The following BIN1 variants were observed in gnomAD, a reference collection of about 807,000 sequenced individuals.
BIN1 encodes bridging integrator 1.
Under a neutral mutation model 82.0 loss-of-function variants are expected in BIN1, and 53 were observed. The observed-to-expected ratio is 0.65, with a 90% CI of 0.52 to 0.81. BIN1 has a LOEUF of 0.81. BIN1 is among the 40% of genes least tolerant of loss of function. The pLI is 0.00. For missense variants in BIN1, 642 were observed against 784.4 expected (o/e 0.82, Z 2.17); for synonymous variants, 302 against 328.0 (o/e 0.92, Z 0.86).
intron 1 of BIN1, among the ~76,000 whole-genome samples, chr2:127,080,656 C>T (rs1356154188): frequency 6.6e-6 from 1 of 151,738 alleles, no homozygotes; most frequent in Non-Finnish European, 1.5e-5. Flanking sequence ...GGAGCTTTAT[C>T]AGTGCCACAC....
At chr2:127,088,483 C>T (rs1423142718) in intron 1 of BIN1, among the ~76,000 whole-genome samples, 2 of 152,106 alleles carry the variant, frequency 1.3e-5, no homozygotes, top group Admixed American at 1.3e-4. Flanking sequence ...CACCTGTAAT[C>T]CCAGCACTTT....
At chr2:127,089,067 G>A (rs1678571105) in intron 1 of BIN1, among the ~76,000 whole-genome samples, 2 of 146,736 alleles carry the variant, frequency 1.4e-5, no homozygotes, top group South Asian at 4.6e-4. Context: ...GCCTCATGGT[G>A]GACCCCTCCA....
At chr2:127,076,331 C>T (rs1192175841) in intron 2 of BIN1, among the ~76,000 whole-genome samples, 5 of 152,086 alleles carry the variant, frequency 3.3e-5, no homozygotes, top group South Asian at 4.1e-4. Flanking sequence ...GCAAAGTTTC[C>T]CCAAGTCTGG....
In BIN1 at chr2:127,107,030, C is replaced by G; in HGVS notation, c.-87G>C. The G allele has an allele frequency of 7.5e-7, 1 of 1,338,914 alleles. No homozygotes were observed. The allele number at this position is 1,338,914 out of a possible 1,614,324, so 82.9% of individuals were successfully genotyped here. A position where few individuals can be genotyped will look rare whatever the true frequency, so the allele number is the denominator to read the frequency against. ...CGCTCCCAGCCCCCAGCCCCGGCCG[C>G]GCGTCCAGACCGGCTGCCGCTCCAC... On this transcript the variant is annotated 5_prime_UTR_variant, in exon 1 of 19. Transcript: ENST00000316724. The surrounding 1 kb of genome is among the most constrained non-coding windows in gnomAD (Gnocchi z 5.9).
Position 127,106,849 on chromosome 2 carries a change from G to A in BIN1, c.84+11C>T, listed in dbSNP as rs1373684985. ...GGGACTCCGCGGCTGCTGGGGCTCC[G>A]GCTCGCTCACCTTCTCCTGCGCGCG... On this transcript the variant is annotated intron_variant, in intron 1 of 18. Transcript: ENST00000316724. 1.9e-6 allele frequency: 3 copies of A among 1,595,716 alleles called. No individual in the cohort carries two copies. Among genetic ancestry groups the A allele is most frequent in the Admixed American group, 1.7e-5 (1 of 58,840 alleles).
chr2:127,083,300 G>A (rs942329103), intron 1 of BIN1, among the ~76,000 whole-genome samples: 2 of 151,934 alleles, frequency 1.3e-5, no homozygotes, highest in Non-Finnish European at 2.9e-5. Context: ...GTTTTGTCTG[G>A]AACTCCTAGC....
intron 10 of BIN1, among the ~76,000 whole-genome samples, chr2:127,060,883 CG>C (rs1401385407): frequency 6.6e-6 from 1 of 152,190 alleles, no homozygotes; most frequent in East Asian, 1.9e-4. Context: ...GCAGGAGGCT[CG>C]GGGCAGTGGA....
chr2:127,063,893 A>G (rs569975943), intron 8 of BIN1, 40 bp downstream of exon 8: 1 of 1,606,050 alleles, frequency 6.2e-7, no homozygotes, highest in East Asian at 2.2e-5. Context: ...CGCAGACTGG[A>G]CACTGCCCCA....
chr2:127,079,403 T>C (rs543256861), intron 1 of BIN1, among the ~76,000 whole-genome samples: 1 of 152,336 alleles, frequency 6.6e-6, no homozygotes, highest in Admixed American at 6.5e-5. Context: ...CTAAAAGGCC[T>C]TCAGAGCAGC....
At chr2:127,052,152 G>C (rs1312760761) in intron 15 of BIN1, 103 bp downstream of exon 15, 2 of 1,207,350 alleles carry the variant, frequency 1.7e-6, no homozygotes, top group African/African-American at 3.0e-5. Flanking sequence ...TCACATCCAT[G>C]GTGGCCTGGT....
chr2:127,063,247 C>T (rs529220956), intron 9 of BIN1, among the ~76,000 whole-genome samples: 85 of 152,302 alleles, frequency 5.6e-4, no homozygotes, highest in Non-Finnish European at 3.4e-4. Flanking sequence ...AAACTGCCAC[C>T]ATTGTCTAAC....
At chr2:127,070,348 C>T (rs1685715543) in intron 4 of BIN1, among the ~76,000 whole-genome samples, 1 of 152,172 alleles carries the variant, frequency 6.6e-6, no homozygotes, top group Admixed American at 6.5e-5. Context: ...ATAAGGACGA[C>T]CACGACCCAC....
At chr2:127,051,381 C>A in intron 15 of BIN1, 138 bp from the exon 16 acceptor site, 1 of 856,924 alleles carries the variant, frequency 1.2e-6, no homozygotes, top group Non-Finnish European at 1.9e-6. Flanking sequence ...TAGAGCTGCC[C>A]AGTGCCTCGA....
At chr2:127,097,859 C>T (rs1679799897) in intron 1 of BIN1, among the ~76,000 whole-genome samples, 1 of 152,228 alleles carries the variant, frequency 6.6e-6, no homozygotes, top group African/African-American at 2.4e-5. Flanking sequence ...TGAATGGGCC[C>T]TGACAAGCAC....
chr2:127,090,734 G>A lies in BIN1; in HGVS notation c.85-14028C>T, dbSNP rs1247496571. 2.0e-5 allele frequency among the ~76,000 whole-genome samples: 3 copies of A among 152,214 alleles called. No individual in the cohort carries two copies. The highest frequency in any genetic ancestry group is 4.4e-5 in the Non-Finnish European group (3 of 68,038). ...GCTCCCCAGCAGCCAGGGCAGGGGA[G>A]GGGGAAGGTCTGGCCAGCACCCACC... is the stretch of plus-strand genomic sequence containing the variant. On this transcript the variant is annotated intron_variant, in intron 1 of 18. Coordinates refer to ENST00000316724, the MANE Select transcript of BIN1 (RefSeq NM_139343.3). This position sits in a 1 kb window ranked among gnomAD's most constrained non-coding sequence, Gnocchi z 6.4.
chr2:127,053,879 C>T (rs1336587575), intron 13 of BIN1, 26 bp downstream of exon 13: 4 of 1,548,386 alleles, frequency 2.6e-6, no homozygotes, highest in Non-Finnish European at 3.5e-6. Flanking sequence ...CTGGTGGGCC[C>T]ATGGGCAGTG....
At chr2:127,063,438 G>A in intron 9 of BIN1, 133 bp downstream of exon 9, 2 of 976,196 alleles carry the variant, frequency 2.0e-6, no homozygotes, top group Non-Finnish European at 3.1e-6. Flanking sequence ...AGGGCCGGGA[G>A]GGAGCCCTGT....
chr2:127,058,873 C>A, intron 11 of BIN1, 138 bp downstream of exon 11: 1 of 1,342,522 alleles, frequency 7.4e-7, no homozygotes, highest in Non-Finnish European at 1.0e-6. Flanking sequence ...CCAGGCCCAA[C>A]CCCCACTGGG....
chr2:127,053,446 C>A lies in BIN1; in HGVS notation c.1240-1G>T. The stretch of plus-strand genomic sequence containing the variant: ...CCTCCCAGAGGTCCCATGGAATTGA[C>A]TGAGCGCAGCAGTGAGGGCGAGAAG... On this transcript the variant is annotated splice_acceptor_variant, in intron 13 of 18. Transcript: ENST00000316724. LOFTEE classifies it high-confidence loss of function. 1.2e-6 allele frequency: 2 copies of A among 1,613,890 alleles called. No individual in the cohort carries two copies. Among genetic ancestry groups the A allele is most frequent in the Non-Finnish European group, 1.7e-6 (2 of 1,179,878 alleles).
Sources: gnomAD v4.1 joint callset for allele counts (sites outside exome capture counted in the v4.1 genomes callset) on GRCh38, gnomAD v4.1.1 for gene constraint, Gnocchi (gnomAD v3.1) non-coding constraint, MANE v1.5 for transcripts, NCBI Gene and HGNC (gene_info 2026-07-23, HGNC 2026-07-21) for gene names.